Variants in CFAP54 observed in about 807,000 individuals in gnomAD.
CFAP54 encodes the protein cilia and flagella associated protein 54.
Under a neutral mutation model 370.4 loss-of-function variants are expected in CFAP54, and 290 were observed. That is an observed-to-expected ratio of 0.78 (90% CI 0.71 to 0.86). The LOEUF is 0.86. CFAP54 is among the 40% of genes least tolerant of loss of function. The pLI, the probability that CFAP54 is intolerant of heterozygous loss-of-function variation, is 0.00. For synonymous variants in CFAP54, 1,206 were observed against 1,236.5 expected (o/e 0.98, Z 0.52); for missense variants, 3,399 against 3,528.7 (o/e 0.96, Z 0.93).
At chr12:96,596,353 T>C (rs1339819732) in intron 25 of CFAP54, among the ~76,000 whole-genome samples, 1 of 152,056 alleles carries the variant, frequency 6.6e-6, no homozygotes, top group Non-Finnish European at 1.5e-5. Flanking sequence ...AAGTCTCTAA[T>C]TGAATTGTAT....
intron 24 of CFAP54, among the ~76,000 whole-genome samples, chr12:96,593,292 C>G (rs548230622): frequency 2.0e-5 from 3 of 151,854 alleles, no homozygotes; most frequent in Non-Finnish European, 4.4e-5. Flanking sequence ...TTGAAGTTCA[C>G]TTTTCTTTCT....
intron 26 of CFAP54, among the ~76,000 whole-genome samples, chr12:96,608,805 G>C (rs1462944394): frequency 2.0e-5 from 3 of 152,050 alleles, no homozygotes; most frequent in African/African-American, 7.2e-5. Flanking sequence ...AAAATGAACA[G>C]AGAGGAATAA....
At chr12:96,493,898 GAA>G (rs1383621201) in intron 1 of CFAP54, among the ~76,000 whole-genome samples, 1 of 152,198 alleles carries the variant, frequency 6.6e-6, no homozygotes, top group Non-Finnish European at 1.5e-5. Flanking sequence ...AAGAAAAAGA[GAA>G]GAGGTTATGG....
At chr12:96,873,749 A>T (rs879327807) in intron 67 of CFAP54, among the ~76,000 whole-genome samples, 28 of 152,242 alleles carry the variant, frequency 1.8e-4, no homozygotes, top group Non-Finnish European at 3.7e-4. Context: ...ATAAAACTTT[A>T]AAAAATCAAT....
chr12:96,853,945 T>G (rs1490544435), intron 66 of CFAP54, among the ~76,000 whole-genome samples: 1 of 151,858 alleles, frequency 6.6e-6, no homozygotes, highest in Non-Finnish European at 1.5e-5. Context: ...TTGTATCTAG[T>G]ATATAAATTA....
intron 46 of CFAP54, among the ~76,000 whole-genome samples, chr12:96,700,676 G>A (rs929743363): frequency 8.5e-5 from 13 of 152,122 alleles, no homozygotes; most frequent in East Asian, 1.9e-4. Context: ...TGGAGTTGAC[G>A]TTTAAAGCAT....
chr12:96,756,928 C>G (rs895153018), intron 57 of CFAP54, among the ~76,000 whole-genome samples: 2 of 152,176 alleles, frequency 1.3e-5, no homozygotes, highest in Non-Finnish European at 1.5e-5. Context: ...AGGACCAGGA[C>G]TGGCCAACTT....
intron 12 of CFAP54, among the ~76,000 whole-genome samples, chr12:96,535,914 C>T (rs892664018): frequency 2.0e-5 from 3 of 151,986 alleles, no homozygotes; most frequent in Non-Finnish European, 4.4e-5. Context: ...GAGTACAAAG[C>T]CTTGTTATTA....
intron 66 of CFAP54, among the ~76,000 whole-genome samples, chr12:96,843,820 G>T (rs919883005): frequency 6.6e-6 from 1 of 152,082 alleles, no homozygotes; most frequent in Non-Finnish European, 1.5e-5. Flanking sequence ...TCCTAATTTG[G>T]ACAATAAATT....
chr12:96,794,935 G>A (rs1000068183), intron 63 of CFAP54, among the ~76,000 whole-genome samples: 6 of 152,290 alleles, frequency 3.9e-5, no homozygotes, highest in East Asian at 1.9e-4. Context: ...GGGGTGCTCC[G>A]TTGATGTGGT....
intron 64 of CFAP54, among the ~76,000 whole-genome samples, chr12:96,813,360 A>G (rs1048848066): frequency 6.6e-6 from 1 of 152,104 alleles, no homozygotes; most frequent in African/African-American, 2.4e-5. Context: ...TTGTGTTCTT[A>G]TGAGGCTCAA....
At chr12:96,744,329 T>C (rs2136644789) in intron 55 of CFAP54, among the ~76,000 whole-genome samples, 183 bp downstream of exon 55, 1 of 152,356 alleles carries the variant, frequency 6.6e-6, no homozygotes, top group Non-Finnish European at 1.5e-5. Context: ...GTATAGATGG[T>C]CTTTATATAT....
chr12:96,619,477 A>AT (rs11359066), intron 26 of CFAP54, among the ~76,000 whole-genome samples: 2 of 151,876 alleles, frequency 1.3e-5, no homozygotes, highest in African/African-American at 2.4e-5. Context: ...AAGCATCAGT[A>AT]TTTTTTTTCT....
intron 23 of CFAP54, among the ~76,000 whole-genome samples, chr12:96,591,544 G>A (rs1034163911): frequency 6.6e-6 from 1 of 152,028 alleles, no homozygotes; most frequent in Non-Finnish European, 1.5e-5. Context: ...TATGGTGGTC[G>A]AGCCTGGAGG....
chr12:96,619,284 G>A (rs755333459), intron 26 of CFAP54, among the ~76,000 whole-genome samples: 1 of 152,142 alleles, frequency 6.6e-6, no homozygotes, highest in Non-Finnish European at 1.5e-5. Context: ...CTCCTGTCTA[G>A]CCTACAGTTC....
intron 50 of CFAP54, among the ~76,000 whole-genome samples, chr12:96,731,453 A>G (rs1264272752): frequency 6.6e-6 from 1 of 152,136 alleles, no homozygotes; most frequent in East Asian, 1.9e-4. Flanking sequence ...CAATGGACAA[A>G]CTATGGTTAT....
intron 67 of CFAP54, among the ~76,000 whole-genome samples, chr12:96,867,009 T>C (rs1282240704): frequency 3.3e-5 from 5 of 152,080 alleles, no homozygotes; most frequent in Non-Finnish European, 1.5e-5. Context: ...TTGGATGAAA[T>C]GCAGTTAGAA....
chr12:96,805,391 A>G (rs199674067), intron 63 of CFAP54, among the ~76,000 whole-genome samples: 4 of 65,524 alleles, frequency 6.1e-5, no homozygotes, highest in African/African-American at 2.3e-4. Context: ...GCTCAACAAG[A>G]AAAAAAAACC....
At position 96,522,145 on chromosome 12, in the gene CFAP54, G is replaced by C. The variant is rs1175106179; in HGVS notation, c.1114G>C (p.Val372Leu). The stretch of plus-strand genomic sequence containing the variant: ...TGAATCTAGAAGAAAAAACAAAGCT[G>C]TCTTTAGACCTAAGATAAGAATTAA... ...VFESRRKNKA[V>L]FRPKIRINLR... The change falls in exon 8 of 68, where the codon GTC (valine) becomes CTC (leucine). Residue 372 changes from valine to leucine, a missense_variant. Val to Leu is a conservative substitution (Grantham distance 32, BLOSUM62 1). Transcript: ENST00000524981. 2 of 1,535,388 alleles carry C rather than the reference G, an allele frequency of 1.3e-6. No individual in the cohort carries two copies. Among genetic ancestry groups the C allele is most frequent in the African/African-American group, 2.7e-5 (2 of 73,012 alleles).
Sources: gnomAD v4.1 joint callset for allele counts (sites outside exome capture counted in the v4.1 genomes callset) on GRCh38, gnomAD v4.1.1 for gene constraint, MANE v1.5 for transcripts, NCBI Gene and HGNC (gene_info 2026-07-23, HGNC 2026-07-21) for gene names.